The following VSTM5 variants were observed in gnomAD, a reference collection of about 807,000 sequenced individuals.
VSTM5 encodes V-set and transmembrane domain-containing protein 5.
A neutral mutation model predicts 20.3 loss-of-function variants in VSTM5; 21 were observed. The ratio of observed to expected loss-of-function variants is 1.03; its 90% CI spans 0.73 to 1.49. The LOEUF is 1.49. Among genes scored for constraint, VSTM5 ranks in the 40% most tolerant of loss-of-function variants. The probability of loss-of-function intolerance (pLI) is 0.00; values close to 1 mark genes in which losing one functional copy is unlikely to be tolerated. For synonymous variants in VSTM5, 100 were observed against 102.5 expected, an observed-to-expected ratio of 0.98 and a Z score of 0.14; for missense variants, 219 against 250.0, an observed-to-expected ratio of 0.88 and a Z score of 0.84.
rs1237133271 is a variant in VSTM5, at chr11:93,818,962, C to G, written c.*1607G>C. The G allele has an allele frequency of 6.6e-6, 1 of 152,038 alleles. No individual in the cohort carries two copies. Among genetic ancestry groups the G allele is most frequent in the Non-Finnish European group, 1.5e-5 (1 of 68,028 alleles). The allele number at this position is 152,038 out of a possible 1,614,324, so 9.4% of individuals were successfully genotyped here. On this transcript the variant is annotated 3_prime_UTR_variant, in exon 4 of 4. Coordinates refer to ENST00000409977, the MANE Select transcript of VSTM5 (RefSeq NM_001144871.2). ...TAGAGCTACACATCCGTTGTGTAGA[C>G]CAACTGCTGTCGCCTTTTGAATCAA...
At chr11:93,847,702 A>G (rs1390759158) in intron 1 of VSTM5, among the ~76,000 whole-genome samples, 1 of 152,192 alleles carries the variant, frequency 6.6e-6, no homozygotes, top group African/African-American at 2.4e-5. Context: ...ACATGAACAA[A>G]TGTTCTAGAA....
intron 1 of VSTM5, among the ~76,000 whole-genome samples, chr11:93,842,841 C>A (rs1393075392): frequency 6.6e-6 from 1 of 152,180 alleles, no homozygotes; most frequent in East Asian, 1.9e-4. Flanking sequence ...GCGGCTCATG[C>A]CTGTAATCCC....
intron 1 of VSTM5, among the ~76,000 whole-genome samples, chr11:93,829,507 C>A (rs1289327676): frequency 6.6e-6 from 1 of 151,926 alleles, no homozygotes; most frequent in African/African-American, 2.4e-5. Flanking sequence ...CCAGCCTGGG[C>A]AACAGAGTGA....
chr11:93,846,750 T>A (rs1944413345), intron 1 of VSTM5, among the ~76,000 whole-genome samples: 1 of 141,742 alleles, frequency 7.1e-6, no homozygotes, highest in Non-Finnish European at 1.5e-5. Flanking sequence ...AATGCATTTT[T>A]AAAAAATTTT....
chr11:93,829,098 A>G (rs908388573), intron 1 of VSTM5, among the ~76,000 whole-genome samples: 1 of 152,148 alleles, frequency 6.6e-6, no homozygotes, highest in South Asian at 2.1e-4. Context: ...CGCAGCCCCC[A>G]CCACTTACCC....
intron 1 of VSTM5, 50 bp downstream of exon 1, chr11:93,850,362 C>A: frequency 6.6e-7 from 1 of 1,512,216 alleles, no homozygotes; most frequent in Non-Finnish European, 9.0e-7. Context: ...GCCCGTGCCC[C>A]CCTACCCATT....
chr11:93,830,662 G>C (rs1378746333), intron 1 of VSTM5, among the ~76,000 whole-genome samples: 1 of 152,210 alleles, frequency 6.6e-6, no homozygotes, highest in African/African-American at 2.4e-5. Flanking sequence ...GGATCTAGCT[G>C]GGGAAGGCGC....
chr11:93,821,055 G>A lies in VSTM5; in HGVS notation c.360C>T (p.Ile120=). The A allele has an allele frequency of 6.4e-7, 1 of 1,551,742 alleles. No homozygotes were observed. The highest frequency in any genetic ancestry group is 8.7e-7 in the Non-Finnish European group (1 of 1,147,004). ...TGCTCCCCAGGCGCTCCGTCACGGTGATGACATAGTAGCCGGAATCCCTCA... is the reference window on the plus strand; with the variant it reads ...TGCTCCCCAGGCGCTCCGTCACGGTAATGACATAGTAGCCGGAATCCCTCA... ...VGVRDSGYYV[I]TVTERLGSSQ... The change falls in exon 2 of 4, where the codon ATC becomes ATT. Residue 120 remains isoleucine (I), a synonymous_variant. Coordinates refer to ENST00000409977, the MANE Select transcript of VSTM5 (RefSeq NM_001144871.2).
chr11:93,833,672 A>G (rs1042770919), intron 1 of VSTM5, among the ~76,000 whole-genome samples: 8 of 152,218 alleles, frequency 5.3e-5, no homozygotes, highest in African/African-American at 1.9e-4. Flanking sequence ...TTGCCAAGAA[A>G]ACAAAACTTG....
intron 1 of VSTM5, among the ~76,000 whole-genome samples, chr11:93,833,850 C>T (rs1359116729): frequency 6.6e-6 from 1 of 152,084 alleles, no homozygotes; most frequent in Admixed American, 6.6e-5. Context: ...ATCTCATCTA[C>T]AGGCACATCC....
At chr11:93,820,674 AACAAGATAACACATGCCACCTC>A in intron 3 of VSTM5, 47 bp downstream of exon 3, 1 of 1,551,640 alleles carries the variant, frequency 6.4e-7, no homozygotes, top group Non-Finnish European at 8.7e-7. Context: ...TCTTCGTGAG[AACAAGATAACACATGCCACCTC>A]TGGCCTCAAA....
intron 1 of VSTM5, among the ~76,000 whole-genome samples, chr11:93,834,230 A>C (rs1944304711): frequency 6.6e-6 from 1 of 151,934 alleles, no homozygotes; most frequent in Admixed American, 6.6e-5. Context: ...AGATCACCAA[A>C]CTCAACAGGG....
At chr11:93,849,655 G>T (rs1366256670) in intron 1 of VSTM5, among the ~76,000 whole-genome samples, 1 of 152,188 alleles carries the variant, frequency 6.6e-6, no homozygotes, top group Non-Finnish European at 1.5e-5. Flanking sequence ...CTAAACCTCA[G>T]TTGGCCCATG....
At chr11:93,836,602 C>T (rs969783467) in intron 1 of VSTM5, among the ~76,000 whole-genome samples, 4 of 152,254 alleles carry the variant, frequency 2.6e-5, no homozygotes, top group African/African-American at 7.2e-5. Context: ...AGATCTCAAT[C>T]ATCGCCTCTT....
rs1447792015 is a variant in VSTM5, at chr11:93,819,977, A to C, written c.*592T>G. 1 of 153,030 alleles carries C rather than the reference A, an allele frequency of 6.5e-6. No homozygotes were observed. The highest frequency in any genetic ancestry group is 1.5e-5 in the Non-Finnish European group (1 of 68,864). 9.5% of individuals were successfully genotyped at this position (153,030 alleles called of 1,614,324 possible). ...CAGCCACCGGGCCTCACCAATGAAA[A>C]ACTCTGCAGCACAACAGCACCAACC... On this transcript the variant is annotated 3_prime_UTR_variant, in exon 4 of 4. Transcript: ENST00000409977.
chr11:93,827,260 G>A (rs1944246402), intron 1 of VSTM5, among the ~76,000 whole-genome samples: 1 of 152,168 alleles, frequency 6.6e-6, no homozygotes, highest in African/African-American at 2.4e-5. Context: ...GCACATGCCT[G>A]TAATCCCAGC....
chr11:93,836,343 T>C (rs749006956), intron 1 of VSTM5, among the ~76,000 whole-genome samples: 1 of 152,258 alleles, frequency 6.6e-6, no homozygotes, highest in Admixed American at 6.5e-5. Flanking sequence ...AAAACCCTTG[T>C]CTGGCTCTCC....
At chr11:93,837,890 T>TA (rs1944336940) in intron 1 of VSTM5, among the ~76,000 whole-genome samples, 2 of 150,748 alleles carry the variant, frequency 1.3e-5, no homozygotes, top group South Asian at 4.2e-4. Flanking sequence ...CTCTGACTCT[T>TA]AAGAGGAAGC....
chr11:93,835,829 CA>C (rs1160155677), intron 1 of VSTM5, among the ~76,000 whole-genome samples: 1 of 152,146 alleles, frequency 6.6e-6, no homozygotes, highest in East Asian at 1.9e-4. Context: ...CTATTGGCTC[CA>C]GGGGGTAAGG....
Sources: gnomAD v4.1 joint callset for allele counts (sites outside exome capture counted in the v4.1 genomes callset) on GRCh38, gnomAD v4.1.1 for gene constraint, MANE v1.5 for transcripts, NCBI Gene and HGNC (gene_info 2026-07-23, HGNC 2026-07-21) for gene names.